Variants in CCDC169 observed in about 807,000 individuals in gnomAD.
CCDC169 encodes coiled-coil domain-containing protein 169.
In CCDC169, 30 loss-of-function variants were observed where a neutral mutation model predicts 36.0. The observed-to-expected ratio is 0.83, with a 90% CI of 0.62 to 1.13. The LOEUF is 1.13. Ranked by LOEUF, CCDC169 falls within the 50% of genes most tolerant of loss-of-function variation. CCDC169 has a pLI of 0.00. For synonymous variants in CCDC169, 85 were observed against 81.5 expected (o/e 1.04, Z -0.23); for missense variants, 245 against 245.9 (o/e 1.00, Z 0.03).
At chr13:36,223,883 A>G (rs1869733647), downstream of CCDC169, 1 of 152,178 alleles carries the variant, frequency 6.6e-6, no homozygotes, top group African/African-American at 2.4e-5. Flanking sequence ...TGTTGCAAGA[A>G]TAATTCTTAG....
chr13:36,233,530 G>A (rs201903178), intron 7 of CCDC169, among the ~76,000 whole-genome samples: 1 of 96,248 alleles, frequency 1.0e-5, no homozygotes, highest in African/African-American at 3.2e-5. Flanking sequence ...CTATTTTAAA[G>A]AACTAAAGGA....
At chr13:36,286,758 T>G (rs1453374248) in intron 2 of CCDC169, among the ~76,000 whole-genome samples, 1 of 152,124 alleles carries the variant, frequency 6.6e-6, no homozygotes, top group Admixed American at 6.5e-5. Flanking sequence ...CTTGAGGAAA[T>G]GGGAGGGATT....
At chr13:36,266,495 TCA>T (rs979499790) in intron 4 of CCDC169, among the ~76,000 whole-genome samples, 2 of 152,204 alleles carry the variant, frequency 1.3e-5, no homozygotes, top group African/African-American at 4.8e-5. Flanking sequence ...GCCCTGTCCT[TCA>T]CATAACAGAC....
chr13:36,258,380 C>G (rs1874186782), intron 4 of CCDC169, among the ~76,000 whole-genome samples: 1 of 152,056 alleles, frequency 6.6e-6, no homozygotes, highest in Non-Finnish European at 1.5e-5. Flanking sequence ...GGGCTGCATT[C>G]CCAGGAAGTT....
At chr13:36,291,205 A>G (rs756386840) in intron 2 of CCDC169, among the ~76,000 whole-genome samples, 13 of 152,218 alleles carry the variant, frequency 8.5e-5, no homozygotes, top group Non-Finnish European at 1.5e-4. Flanking sequence ...CAGACTCTGT[A>G]GCAATAAGAT....
At chr13:36,281,160 A>T (rs1230871706) in intron 4 of CCDC169, 1 of 377,356 alleles carries the variant, frequency 2.7e-6, no homozygotes, top group Non-Finnish European at 5.1e-6. Flanking sequence ...GACAAAAGCC[A>T]CTCACAAATG....
chr13:36,284,030 T>C (rs759478742), intron 2 of CCDC169, among the ~76,000 whole-genome samples: 41 of 152,230 alleles, frequency 2.7e-4, no homozygotes, highest in Non-Finnish European at 4.4e-4. Flanking sequence ...TATCAGGACA[T>C]GTTTCTTTCC....
At chr13:36,259,255 C>T (rs1249637693) in intron 4 of CCDC169, among the ~76,000 whole-genome samples, 1 of 152,168 alleles carries the variant, frequency 6.6e-6, no homozygotes, top group Non-Finnish European at 1.5e-5. Context: ...GTCTCCCCCT[C>T]AGAGCCACCA....
At chr13:36,259,411 A>G (rs1261318429) in intron 4 of CCDC169, among the ~76,000 whole-genome samples, 1 of 152,220 alleles carries the variant, frequency 6.6e-6, no homozygotes, top group Non-Finnish European at 1.5e-5. Flanking sequence ...AAATGCTCAA[A>G]CAAAGCAATG....
intron 4 of CCDC169, among the ~76,000 whole-genome samples, chr13:36,255,837 T>G (rs1182030042): frequency 6.6e-6 from 1 of 152,268 alleles, no homozygotes; most frequent in South Asian, 2.1e-4. Flanking sequence ...GAGGAACTTG[T>G]GGCCAGGACG....
intron 2 of CCDC169, among the ~76,000 whole-genome samples, chr13:36,294,084 C>T (rs1195452088): frequency 6.6e-6 from 1 of 152,132 alleles, no homozygotes; most frequent in Non-Finnish European, 1.5e-5. Context: ...AACTACCTCA[C>T]CTGACACAGT....
At chr13:36,293,220 C>T (rs1362003857) in intron 2 of CCDC169, among the ~76,000 whole-genome samples, 2 of 152,210 alleles carry the variant, frequency 1.3e-5, no homozygotes, top group African/African-American at 2.4e-5. Flanking sequence ...TATTGCCCCA[C>T]TGCCTTCAGG....
rs1462418191 is a variant in CCDC169 at position 36,282,389 on chromosome 13, T to C, written c.315+1080A>G. ...GCTAAGAGGGTCTCTTGACTGGATATAGGATTGTTGGATCCCAATGCTTTT... is the reference window on the plus strand; with the variant it reads ...GCTAAGAGGGTCTCTTGACTGGATACAGGATTGTTGGATCCCAATGCTTTT... On this transcript the variant is annotated intron_variant, in intron 4 of 7. Transcript: ENST00000239859. 3.0e-6 allele frequency: 3 copies of C among 985,310 alleles called. No homozygotes were observed. In the African/African-American group the frequency reaches 5.2e-5, roughly 17 times the overall value. The allele number at this position is 985,310 out of a possible 1,614,324, so 61.0% of individuals were successfully genotyped here.
chr13:36,279,638 C>A (rs1203712856), intron 4 of CCDC169, among the ~76,000 whole-genome samples: 1 of 152,094 alleles, frequency 6.6e-6, no homozygotes, highest in Non-Finnish European at 1.5e-5. Context: ...CATAACCTAC[C>A]AAAGTTTATG....
intron 7 of CCDC169, among the ~76,000 whole-genome samples, chr13:36,243,051 T>C (rs978463764): frequency 2.0e-5 from 3 of 152,320 alleles, no homozygotes. Context: ...GATAAGAGTC[T>C]GGGTCATCCT....
rs184749474 is a variant in CCDC169 at position 36,266,694 on chromosome 13, G to C, written c.316-12551C>G. Among the ~76,000 whole-genome samples the C allele has an allele frequency of 2.8e-3, 427 of 152,252 alleles. 1 individual carries two copies. Among genetic ancestry groups the C allele is most frequent in the African/African-American group, 9.7e-3 (404 of 41,538 alleles). Reference sequence around the variant, plus strand: ...CTCAGCCTCTCATTATCCTTATGTAGGGTGTCAATACAACTTAGCAGCAAA... The same window carrying C: ...CTCAGCCTCTCATTATCCTTATGTACGGTGTCAATACAACTTAGCAGCAAA... On this transcript the variant is annotated intron_variant, in intron 4 of 7. Coordinates refer to ENST00000239859, the MANE Select transcript of CCDC169 (RefSeq NM_001144981.3).
chr13:36,297,744 G>A lies in CCDC169; in HGVS notation c.-25C>T. Reference sequence around the variant, plus strand: ...TAGTGTCAGGCCAGAGACCTCCCGCGTCTTTCCCCTCAGCACCTTAGAGCA... The same window carrying A: ...TAGTGTCAGGCCAGAGACCTCCCGCATCTTTCCCCTCAGCACCTTAGAGCA... On this transcript the variant is annotated 5_prime_UTR_variant, in exon 1 of 8. It adds an upstream start codon to the 5' untranslated region. Transcript: ENST00000239859. The A allele has an allele frequency of 6.5e-7, 1 of 1,548,116 alleles. No individual in the cohort carries two copies.
intron 2 of CCDC169, among the ~76,000 whole-genome samples, chr13:36,289,276 T>C (rs1303188181): frequency 1.3e-5 from 2 of 152,226 alleles, no homozygotes; most frequent in African/African-American, 4.8e-5. Context: ...GACAGCTCTC[T>C]CCTTCAGCTT....
intron 2 of CCDC169, among the ~76,000 whole-genome samples, chr13:36,292,287 C>T (rs930963241): frequency 6.6e-6 from 1 of 152,126 alleles, no homozygotes. Flanking sequence ...AACTGCCGCA[C>T]CTGGCCTCCA....
Sources: allele counts gnomAD v4.1 joint callset (sites outside exome capture counted in the v4.1 genomes callset), GRCh38; gene constraint gnomAD v4.1.1; transcripts MANE v1.5; gene names NCBI Gene and HGNC (gene_info 2026-07-23, HGNC 2026-07-21).